CGREF1: variants seen among roughly 807,000 people sequenced by gnomAD.
CGREF1 encodes cell growth regulator with EF-hand domain 1.
Under a neutral mutation model 17.4 loss-of-function variants are expected in CGREF1, and 16 were observed. The ratio of observed to expected loss-of-function variants is 0.92; its 90% CI spans 0.62 to 1.40. The LOEUF is 1.40. Ranked by LOEUF, CGREF1 falls within the 40% of genes most tolerant of loss-of-function variation. The probability of loss-of-function intolerance (pLI) is 0.00; values close to 1 mark genes in which losing one functional copy is unlikely to be tolerated. For synonymous variants in CGREF1, 142 were observed against 154.6 expected, an observed-to-expected ratio of 0.92 and a Z score of 0.61; for missense variants, 296 against 376.4, an observed-to-expected ratio of 0.79 and a Z score of 1.77.
At position 27,101,188 on chromosome 2, in the gene CGREF1, C is replaced by A; in HGVS notation, c.*86G>T. ...ACCAGGCAGGGGGCACAGAGATGGT[C>A]CTTGTCCCAGCGTACATTTCCCCTG... is the stretch of plus-strand genomic sequence containing the variant. On this transcript the variant is annotated 3_prime_UTR_variant, in exon 6 of 6. Transcript: ENST00000402394. 1 of 1,503,312 alleles carries A rather than the reference C, an allele frequency of 6.7e-7. No individual in the cohort carries two copies. The highest frequency in any genetic ancestry group is 1.4e-5 in the South Asian group (1 of 72,686). 93.1% of individuals were successfully genotyped at this position (1,503,312 alleles called of 1,614,324 possible).
chr2:27,112,327 T>C (rs949460976), intron 1 of CGREF1, among the ~76,000 whole-genome samples: 3 of 151,856 alleles, frequency 2.0e-5, no homozygotes, highest in African/African-American at 7.3e-5. Context: ...GCACAAACAA[T>C]ATTAAGAAGG....
At chr2:27,113,916 G>T (rs1209507431) in intron 1 of CGREF1, among the ~76,000 whole-genome samples, 1 of 151,692 alleles carries the variant, frequency 6.6e-6, no homozygotes, top group Non-Finnish European at 1.5e-5. Flanking sequence ...GGAGGCACTG[G>T]AGTCATTTAA....
chr2:27,116,974 G>A (rs147636674), intron 1 of CGREF1, among the ~76,000 whole-genome samples: 1,850 of 144,794 alleles, frequency 0.013, 34 homozygotes, highest in African/African-American at 0.044. Context: ...GTGCAGTGGC[G>A]CAAAATCTAC....
chr2:27,099,402 AGTGGAGCC>A (rs1433231924), downstream of CGREF1: 6 of 1,612,522 alleles, frequency 3.7e-6, no homozygotes, highest in African/African-American at 8.0e-5. Flanking sequence ...CACCCAGCTG[AGTGGAGCC>A]GTCTTGCAGG....
At chr2:27,100,330 T>C (rs7573066), downstream of CGREF1, 40,692 of 893,340 alleles carry the variant, frequency 0.046, 1,126 homozygotes, top group Middle Eastern at 0.057. Flanking sequence ...CCCACCAGCC[T>C]GTGATTTGAT....
intron 1 of CGREF1, chr2:27,111,108 T>G (rs2148394960): frequency 6.6e-6 from 1 of 152,434 alleles, no homozygotes; most frequent in African/African-American, 2.4e-5. Flanking sequence ...TTGCCACTAC[T>G]GGCTCTGGCA....
intron 1 of CGREF1, chr2:27,110,777 G>C (rs895498212): frequency 6.5e-6 from 1 of 153,900 alleles, no homozygotes; most frequent in Non-Finnish European, 1.4e-5. Context: ...TAAAGGCGGC[G>C]TGTCTGGAGT....
chr2:27,108,710 A>C (rs952691290), intron 1 of CGREF1, among the ~76,000 whole-genome samples: 1 of 152,130 alleles, frequency 6.6e-6, no homozygotes, highest in Non-Finnish European at 1.5e-5. Flanking sequence ...ATGATGCCCA[A>C]ATACAGTAAT....
At chr2:27,104,519 CACAG>C (rs747341706) in intron 1 of CGREF1, 142 bp from the exon 2 acceptor site, 79 of 1,551,020 alleles carry the variant, frequency 5.1e-5, no homozygotes, top group Admixed American at 3.9e-4. Context: ...AGGGAGGACT[CACAG>C]ACAGACAGCA....
chr2:27,102,252 G>T (rs368705261), intron 4 of CGREF1, 31 bp from the exon 5 acceptor site: 12 of 1,611,078 alleles, frequency 7.4e-6, no homozygotes, highest in Admixed American at 1.7e-5. Flanking sequence ...ATTAGAAGAG[G>T]TGCCGGGGGA....
intron 1 of CGREF1, among the ~76,000 whole-genome samples, chr2:27,114,914 G>T (rs1365037824): frequency 6.6e-6 from 1 of 152,202 alleles, no homozygotes; most frequent in African/African-American, 2.4e-5. Flanking sequence ...TTGTGTGTGT[G>T]TGTGTGTGAC....
chr2:27,100,272 C>G (rs1055277146), downstream of CGREF1: 1 of 425,690 alleles, frequency 2.3e-6, no homozygotes, highest in Non-Finnish European at 4.3e-6. Context: ...CACCGCTGAG[C>G]TGAACTGACA....
chr2:27,102,320 A>T (rs759688882), intron 4 of CGREF1, 40 bp downstream of exon 4: 31 of 1,613,422 alleles, frequency 1.9e-5, no homozygotes, highest in Non-Finnish European at 2.5e-5. Context: ...CTGGCTGCCC[A>T]GAGCCTCCCG....
intron 1 of CGREF1, among the ~76,000 whole-genome samples, chr2:27,108,946 C>CT (rs911422868): frequency 5.9e-4 from 86 of 145,230 alleles, no homozygotes; most frequent in Middle Eastern, 3.7e-3. Flanking sequence ...CCATGCCCAG[C>CT]TTTTTTTTTT....
chr2:27,100,433 G>C, downstream of CGREF1: 1 of 1,290,956 alleles, frequency 7.7e-7, no homozygotes, highest in South Asian at 1.2e-5. Flanking sequence ...TTAAGGGCGT[G>C]CCTCAGCCAC....
intron 1 of CGREF1, among the ~76,000 whole-genome samples, chr2:27,107,446 G>C (rs1671166642): frequency 6.6e-6 from 1 of 151,466 alleles, no homozygotes; most frequent in African/African-American, 2.4e-5. Flanking sequence ...GTAGAGATGG[G>C]GTTTCACCAT....
In CGREF1 at chr2:27,101,803, G is replaced by C. The variant is rs373730765; in HGVS notation, c.428C>G (p.Pro143Arg). The C allele has an allele frequency of 1.1e-5, 18 of 1,614,174 alleles. No homozygotes were observed. Among genetic ancestry groups the C allele is most frequent in the Non-Finnish European group, 1.5e-5 (18 of 1,180,024 alleles). Residue 143 changes from proline (P) to arginine (R), a missense_variant, in exon 6 of 6, where the codon CCG (proline) becomes CGG (arginine). By Grantham distance (103) the Pro-to-Arg change is moderately radical. Coordinates refer to ENST00000402394, the MANE Select transcript of CGREF1 (RefSeq NM_006569.6). ...CTCCACGTGCCTGAGGGCTACTCCC[G>C]GGAAGTTGATGAGCTCAGCAGGGGT... ...LMTPAELINF[P>R]GVALRHVEPG...
intron 1 of CGREF1, chr2:27,104,598 G>A (rs1341806855): frequency 6.4e-7 from 1 of 1,550,594 alleles, no homozygotes; most frequent in East Asian, 2.4e-5. Context: ...AGCACATAAA[G>A]GCAGGCCTGC....
intron 1 of CGREF1, among the ~76,000 whole-genome samples, chr2:27,107,563 T>G (rs1671172980): frequency 6.6e-6 from 1 of 151,758 alleles, no homozygotes; most frequent in Non-Finnish European, 1.5e-5. Context: ...AGTTCACATG[T>G]TTTAAGAAAT....
Sources: allele counts gnomAD v4.1 joint callset (sites outside exome capture counted in the v4.1 genomes callset), GRCh38; gene constraint gnomAD v4.1.1; transcripts MANE v1.5; gene names NCBI Gene and HGNC (gene_info 2026-07-23, HGNC 2026-07-21).